FMN2: variants seen among roughly 807,000 people sequenced by gnomAD.
The protein encoded by FMN2 is formin-2.
A neutral mutation model predicts 142.3 loss-of-function variants in FMN2; 51 were observed. That is an observed-to-expected ratio of 0.36 (90% CI 0.29 to 0.45). The LOEUF is 0.45. FMN2 is among the 20% of genes least tolerant of loss of function. The probability of loss-of-function intolerance (pLI) is 1.00; values close to 1 mark genes in which losing one functional copy is unlikely to be tolerated. For synonymous variants in FMN2, 882 were observed against 869.8 expected (o/e 1.01, Z -0.25); for missense variants, 1,936 against 2,122.8 (o/e 0.91, Z 1.73).
chr1:240,445,718 TGGAGAGAAA>T (rs1675785530), intron 16 of FMN2, among the ~76,000 whole-genome samples: 1 of 147,002 alleles, frequency 6.8e-6, no homozygotes. Flanking sequence ...TTTTTTTTTC[TGGAGAGAAA>T]ATAACCTTAT....
intron 16 of FMN2, among the ~76,000 whole-genome samples, chr1:240,440,333 G>C (rs1006353790): frequency 2.0e-5 from 3 of 152,128 alleles, no homozygotes; most frequent in African/African-American, 7.2e-5. Context: ...CCCCATGACA[G>C]CCTCCTCAGA....
intron 1 of FMN2, 82 bp from the exon 2 acceptor site, chr1:240,123,096 GT>G: frequency 6.6e-7 from 1 of 1,504,456 alleles, no homozygotes; most frequent in Non-Finnish European, 9.1e-7. Flanking sequence ...CCCTGGCAGT[GT>G]TTACCCAGCC....
In FMN2 at chr1:240,207,419, C is replaced by T; in HGVS notation, c.2607C>T (p.Ser869=). 1 of 1,613,830 alleles carries T rather than the reference C, an allele frequency of 6.2e-7. No homozygotes were observed. Among genetic ancestry groups the T allele is most frequent in the Non-Finnish European group, 8.5e-7 (1 of 1,179,856 alleles). The change falls in exon 5 of 18, where the codon TCC becomes TCT. Residue 869 remains serine (S), a synonymous_variant. Transcript: ENST00000319653. ...PPLPCTESSS[S]MPGLGMVPPP... is the part of the protein sequence containing the mutation. ...TGCCTTGCACAGAGTCCTCCAGCTC[C>T]ATGCCTGGCCTGGGCATGGTGCCTC...
intron 7 of FMN2, among the ~76,000 whole-genome samples, chr1:240,271,246 G>C (rs1227916476): frequency 6.6e-6 from 1 of 151,300 alleles, no homozygotes; most frequent in Non-Finnish European, 1.5e-5. Context: ...CAAACTCCAG[G>C]TCCTTTTCAT....
chr1:240,404,505 T>C (rs370556489), intron 15 of FMN2, among the ~76,000 whole-genome samples: 12 of 152,318 alleles, frequency 7.9e-5, no homozygotes, highest in African/African-American at 2.4e-4. Flanking sequence ...ATATTGATAA[T>C]GTAGAACAAA....
intron 7 of FMN2, among the ~76,000 whole-genome samples, chr1:240,293,448 A>G (rs1320083781): frequency 1.3e-5 from 2 of 152,154 alleles, no homozygotes; most frequent in African/African-American, 4.8e-5. Context: ...ACTCTGCACA[A>G]ATTGAAAGAA....
chr1:240,240,313 G>T (rs1469644738), intron 6 of FMN2, among the ~76,000 whole-genome samples: 1 of 152,176 alleles, frequency 6.6e-6, no homozygotes, highest in Admixed American at 6.5e-5. Flanking sequence ...GACCGTAGTG[G>T]TACCTGTTTC....
At chr1:240,471,892 GC>G (rs1676823211) in intron 16 of FMN2, 1 of 154,914 alleles carries the variant, frequency 6.5e-6, no homozygotes, top group South Asian at 2.0e-4. Context: ...CAATTCACCC[GC>G]CTTGGCATCC....
intron 1 of FMN2, among the ~76,000 whole-genome samples, chr1:240,100,242 C>T (rs1661368566): frequency 6.6e-6 from 1 of 152,152 alleles, no homozygotes; most frequent in Non-Finnish European, 1.5e-5. Flanking sequence ...AATGACATTA[C>T]AGCAACTGAC....
intron 16 of FMN2, among the ~76,000 whole-genome samples, chr1:240,468,269 CAT>C (rs764480497): frequency 6.6e-6 from 1 of 151,504 alleles, no homozygotes; most frequent in Admixed American, 6.6e-5. Context: ...TGCACACACA[CAT>C]ATACATATGC....
intron 13 of FMN2, among the ~76,000 whole-genome samples, chr1:240,344,323 C>A (rs1034658536): frequency 6.6e-6 from 1 of 152,168 alleles, no homozygotes; most frequent in Non-Finnish European, 1.5e-5. Context: ...AAAATTGTGT[C>A]ATTCCATGAT....
rs1160792382 is a variant in FMN2 at position 240,110,908 on chromosome 1, C to A, written c.1616-12271C>A. The stretch of plus-strand genomic sequence containing the variant: ...TCTACTAAATTTAAGGAAAAAAACC[C>A]AAAACTTGGTGGATGAAGATATTTG... On this transcript the variant is annotated intron_variant, in intron 1 of 17. Coordinates refer to ENST00000319653, the MANE Select transcript of FMN2 (RefSeq NM_020066.5). Among the ~76,000 whole-genome samples, 3 of 151,230 alleles carry A rather than the reference C, an allele frequency of 2.0e-5. No homozygotes were observed. The East Asian group carries it at 5.8e-4, about 29-fold the overall frequency.
At chr1:240,443,961 CAA>C (rs1203740578) in intron 16 of FMN2, among the ~76,000 whole-genome samples, 1 of 152,052 alleles carries the variant, frequency 6.6e-6, no homozygotes, top group African/African-American at 2.4e-5. Flanking sequence ...GCTAGGATAA[CAA>C]GAGCTGTATT....
rs774343749 is a variant in FMN2, at chr1:240,183,619, G to A, written c.1931-4588G>A. On this transcript the variant is annotated intron_variant, in intron 3 of 17. Transcript: ENST00000319653. Reference sequence around the variant, plus strand: ...AAAATTGGCCTTGATTTTCTCCTGCGCTAACTAGAGCCTAGGTGTGGCTGT... The same window carrying A: ...AAAATTGGCCTTGATTTTCTCCTGCACTAACTAGAGCCTAGGTGTGGCTGT... Among the ~76,000 whole-genome samples the A allele has an allele frequency of 2.2e-4, 34 of 151,500 alleles. 1 individual carries two copies. Among genetic ancestry groups the A allele is most frequent in the East Asian group, 1.9e-4 (1 of 5,172 alleles).
chr1:240,211,838 A>AT (rs1193782590), intron 6 of FMN2, among the ~76,000 whole-genome samples: 2 of 152,244 alleles, frequency 1.3e-5, no homozygotes, highest in East Asian at 1.9e-4. Flanking sequence ...TTTCCAAGCA[A>AT]TTTTTTTCTA....
chr1:240,217,676 A>C (rs1666955585), intron 6 of FMN2, among the ~76,000 whole-genome samples: 1 of 151,858 alleles, frequency 6.6e-6, no homozygotes, highest in Non-Finnish European at 1.5e-5. Context: ...TTTTTTGAAG[A>C]TGCTATTCCT....
rs1373502689 is a variant in FMN2 at position 240,453,717 on chromosome 1, C to G, written c.5060+15507C>G. Among the ~76,000 whole-genome samples the G allele has an allele frequency of 1.9e-4, 2 of 10,288 alleles. 1 individual carries two copies. Among genetic ancestry groups the G allele is most frequent in the Non-Finnish European group, 6.6e-4 (2 of 3,028 alleles). 6.7% of individuals were successfully genotyped at this position (10,288 alleles called of 152,430 possible). A position where few individuals can be genotyped will look rare whatever the true frequency, so the allele number is the denominator to read the frequency against. ...AAAATGGAAGGCATAGGGCCGGGCG[C>G]GGTGGCTCACGCCTGTAATCCCAGC... On this transcript the variant is annotated intron_variant, in intron 16 of 17. Coordinates refer to ENST00000319653, the MANE Select transcript of FMN2 (RefSeq NM_020066.5).
chr1:240,240,243 C>T (rs1373207244), intron 6 of FMN2, among the ~76,000 whole-genome samples: 1 of 152,046 alleles, frequency 6.6e-6, no homozygotes, highest in Non-Finnish European at 1.5e-5. Context: ...TGGCTCATTT[C>T]CTAGCTCTGC....
intron 1 of FMN2, among the ~76,000 whole-genome samples, chr1:240,103,816 A>AC (rs1661495766): frequency 6.6e-6 from 1 of 152,088 alleles, no homozygotes; most frequent in Non-Finnish European, 1.5e-5. Flanking sequence ...GTCCCCTATC[A>AC]CCCTGAGGCT....
Sources: gnomAD v4.1 joint callset for allele counts (sites outside exome capture counted in the v4.1 genomes callset) on GRCh38, gnomAD v4.1.1 for gene constraint, MANE v1.5 for transcripts, NCBI Gene and HGNC (gene_info 2026-07-23, HGNC 2026-07-21) for gene names.